The following AHCYL2 variants were observed in gnomAD, a reference collection of about 807,000 sequenced individuals.
AHCYL2 encodes the protein adenosylhomocysteinase like 2.
A neutral mutation model predicts 81.4 loss-of-function variants in AHCYL2; 28 were observed. The observed-to-expected ratio is 0.34, with a 90% CI of 0.25 to 0.47. AHCYL2 has a LOEUF of 0.47. AHCYL2 is among the 20% of genes least tolerant of loss of function. AHCYL2 has a pLI of 1.00. For missense variants in AHCYL2, 551 were observed against 785.1 expected, an observed-to-expected ratio of 0.70 and a Z score of 3.56; for synonymous variants, 272 against 290.2, an observed-to-expected ratio of 0.94 and a Z score of 0.64.
rs1364931809 is a variant in AHCYL2 at position 129,368,737 on chromosome 7, G to A, written c.364-10901G>A. On this transcript the variant is annotated intron_variant, in intron 1 of 16. Coordinates refer to ENST00000325006, the MANE Select transcript of AHCYL2 (RefSeq NM_015328.4). This position sits in a 1 kb window ranked among gnomAD's most constrained non-coding sequence, Gnocchi z 4.4. ...TCACCACTGTTTCTTAATTATCCAC[G>A]AAGCTGGGAAAGGTGTGAGAGTTGC... 6.6e-6 allele frequency among the ~76,000 whole-genome samples: 1 copy of A among 152,118 alleles called. No homozygotes were observed. Among genetic ancestry groups the A allele is most frequent in the African/African-American group, 2.4e-5 (1 of 41,408 alleles).
intron 1 of AHCYL2, among the ~76,000 whole-genome samples, chr7:129,358,058 A>G (rs543328092): frequency 6.6e-6 from 1 of 152,218 alleles, no homozygotes; most frequent in South Asian, 2.1e-4. Context: ...TGAATGGATA[A>G]ACAAAATGTG....
In AHCYL2 at chr7:129,271,064, TA is replaced by T. The variant is rs1349701444; in HGVS notation, c.363+45636del. Among the ~76,000 whole-genome samples, 1,161 of 147,300 alleles carry T rather than the reference TA, an allele frequency of 7.9e-3. 17 individuals are homozygous for T. Among genetic ancestry groups the T allele is most frequent in the African/African-American group, 0.023 (909 of 40,340 alleles). ...CCAAATCTCACAGCTAAAGGTGCTC[TA>T]AAAAAAAAAAGTTTGGGCCGGGCGT... On this transcript the variant is annotated intron_variant, in intron 1 of 16. Coordinates refer to ENST00000325006, the MANE Select transcript of AHCYL2 (RefSeq NM_015328.4).
At position 129,291,668 on chromosome 7, in the gene AHCYL2, TC is replaced by T. The variant is rs764682441; in HGVS notation, c.363+66230del. ...CCCAGGCTGGAGTGCAGTGGCGTGA[TC>T]TCAGTTCACTGGAAGCCCCACCTCC... On this transcript the variant is annotated intron_variant, in intron 1 of 16. Transcript: ENST00000325006. Among the ~76,000 whole-genome samples the T allele has an allele frequency of 1.3e-3, 192 of 147,786 alleles. 1 individual carries two copies. The highest frequency in any genetic ancestry group is 2.2e-3 in the Non-Finnish European group (145 of 66,968).
intron 1 of AHCYL2, among the ~76,000 whole-genome samples, chr7:129,298,053 A>T (rs968557827): frequency 1.3e-5 from 2 of 152,184 alleles, no homozygotes; most frequent in African/African-American, 4.8e-5. Context: ...TACCTGCTGA[A>T]ATAGTCATTC....
intron 1 of AHCYL2, among the ~76,000 whole-genome samples, chr7:129,313,274 G>A (rs987770962): frequency 2.3e-4 from 35 of 152,204 alleles, no homozygotes; most frequent in Non-Finnish European, 3.1e-4. Flanking sequence ...GAGAATAAGG[G>A]ATAAAATTGT....
intron 1 of AHCYL2, chr7:129,376,062 T>A: frequency 9.2e-7 from 1 of 1,085,672 alleles, no homozygotes; most frequent in South Asian, 1.5e-5. Context: ...ACCCCTCTTT[T>A]AACAGTCTCT....
chr7:129,423,226 C>G (rs780540454), intron 13 of AHCYL2, among the ~76,000 whole-genome samples: 1 of 152,182 alleles, frequency 6.6e-6, no homozygotes, highest in Admixed American at 6.5e-5. Context: ...ACCAGTGCCA[C>G]TTTGAGTGAT....
chr7:129,308,022 G>A (rs1797506242), intron 1 of AHCYL2, among the ~76,000 whole-genome samples: 2 of 151,710 alleles, frequency 1.3e-5, no homozygotes, highest in Non-Finnish European at 2.9e-5. Flanking sequence ...GGTCTCTTCT[G>A]AAGCTGGGAG....
rs1797003833 is a variant in AHCYL2, at chr7:129,419,314, G to T, written c.1462-3526G>T. 6.6e-6 allele frequency among the ~76,000 whole-genome samples: 1 copy of T among 152,172 alleles called. No individual in the cohort carries two copies. Among genetic ancestry groups the T allele is most frequent in the African/African-American group, 2.4e-5 (1 of 41,422 alleles). Reference sequence around the variant, plus strand: ...CTCACGCCTGTAATCCCAGCACTTTGGGAGGCTGAGGCAGGCGGATCATGA... The same window carrying T: ...CTCACGCCTGTAATCCCAGCACTTTTGGAGGCTGAGGCAGGCGGATCATGA... On this transcript the variant is annotated intron_variant, in intron 12 of 16. Transcript: ENST00000325006. This position sits in a 1 kb window ranked among gnomAD's most constrained non-coding sequence, Gnocchi z 4.7.
At chr7:129,283,288 A>C (rs1041606832) in intron 1 of AHCYL2, 5 of 450,964 alleles carry the variant, frequency 1.1e-5, no homozygotes, top group African/African-American at 1.0e-4. Flanking sequence ...GGCAGTAAGC[A>C]GAAGCATTCA....
chr7:129,226,043 T>G (rs749472950), intron 1 of AHCYL2, among the ~76,000 whole-genome samples: 10 of 152,192 alleles, frequency 6.6e-5, no homozygotes, highest in African/African-American at 9.7e-5. Context: ...AATGGAGAGA[T>G]TCTCCTCACT....
rs183327637 is a variant in AHCYL2 at position 129,336,302 on chromosome 7, G to A, written c.364-43336G>A. Among the ~76,000 whole-genome samples, 35 of 151,892 alleles carry A rather than the reference G, an allele frequency of 2.3e-4. No homozygotes were observed. In the East Asian group the frequency reaches 4.7e-3, roughly 20 times the overall value. ...AGGCTGGTCTCAAACTCTTGACCTC[G>A]AGTGATCCACCTGCCTCGGCCTCCC... On this transcript the variant is annotated intron_variant, in intron 1 of 16. Coordinates refer to ENST00000325006, the MANE Select transcript of AHCYL2 (RefSeq NM_015328.4).
chr7:129,387,651 AG>A (rs1440369978), intron 2 of AHCYL2, among the ~76,000 whole-genome samples: 1 of 152,214 alleles, frequency 6.6e-6, no homozygotes, highest in Non-Finnish European at 1.5e-5. Flanking sequence ...CTGATTTATT[AG>A]GTATTTCTGA....
chr7:129,277,818 C>A lies in AHCYL2; in HGVS notation c.363+52379C>A, dbSNP rs1796279029. On this transcript the variant is annotated intron_variant, in intron 1 of 16. Transcript: ENST00000325006. ...TAGTAGTACCATCGTATGGTTAGAC[C>A]ACATTTGATTTATTCGTTCACCTGT... 2.0e-5 allele frequency among the ~76,000 whole-genome samples: 3 copies of A among 152,030 alleles called. No homozygotes were observed. The South Asian group carries it at 6.2e-4, about 32-fold the overall frequency.
chr7:129,230,169 G>A (rs1287103204), intron 1 of AHCYL2, among the ~76,000 whole-genome samples: 2 of 130,406 alleles, frequency 1.5e-5, no homozygotes, highest in Admixed American at 9.3e-5. Context: ...TGAAACCTCC[G>A]CCTCCTGGGT....
intron 1 of AHCYL2, among the ~76,000 whole-genome samples, chr7:129,239,753 T>C (rs911236249): frequency 6.7e-6 from 1 of 150,076 alleles, no homozygotes; most frequent in Non-Finnish European, 1.5e-5. Flanking sequence ...CATAGAAAAA[T>C]AAACAGGCAC....
chr7:129,250,834 A>G (rs1332494941), intron 1 of AHCYL2, among the ~76,000 whole-genome samples: 1 of 152,230 alleles, frequency 6.6e-6, no homozygotes, highest in African/African-American at 2.4e-5. Flanking sequence ...AGAATGGAGC[A>G]ACCCTTATGA....
At chr7:129,404,893 T>C (rs761425506) in intron 7 of AHCYL2, among the ~76,000 whole-genome samples, 1 of 152,196 alleles carries the variant, frequency 6.6e-6, no homozygotes, top group Non-Finnish European at 1.5e-5. Context: ...ACATGACTTT[T>C]GAATAAAATC....
chr7:129,252,406 T>C (rs1171679219), intron 1 of AHCYL2, among the ~76,000 whole-genome samples: 1 of 152,228 alleles, frequency 6.6e-6, no homozygotes, highest in Admixed American at 6.5e-5. Flanking sequence ...CAGCTAATAC[T>C]CCTTTGGCTT....
Sources: allele counts gnomAD v4.1 joint callset (sites outside exome capture counted in the v4.1 genomes callset), GRCh38; gene constraint gnomAD v4.1.1; non-coding constraint Gnocchi (gnomAD v3.1); transcripts MANE v1.5; gene names NCBI Gene and HGNC (gene_info 2026-07-23, HGNC 2026-07-21).